Variants in PDE4D observed in about 807,000 individuals in gnomAD.
PDE4D encodes the protein 3',5'-cyclic-AMP phosphodiesterase 4D.
A neutral mutation model predicts 87.4 loss-of-function variants in PDE4D; 24 were observed. The observed-to-expected ratio is 0.27, with a 90% confidence interval of 0.20 to 0.39. The LOEUF is 0.39. Ranked by LOEUF, PDE4D falls within the 10% of genes least tolerant of loss-of-function variation. PDE4D has a pLI of 1.00. For synonymous variants in PDE4D, 384 were observed against 383.2 expected (o/e 1.00, Z -0.02); for missense variants, 714 against 1,041.0 (o/e 0.69, Z 4.32).
chr5:59,703,315 A>G (rs1752884085), intron 1 of PDE4D, among the ~76,000 whole-genome samples: 1 of 152,206 alleles, frequency 6.6e-6, no homozygotes, highest in Non-Finnish European at 1.5e-5. Context: ...AGGTACAACT[A>G]TCAATAAAAG....
intron 1 of PDE4D, among the ~76,000 whole-genome samples, chr5:59,613,459 T>C (rs554409744): frequency 5.3e-5 from 8 of 152,198 alleles, no homozygotes; most frequent in African/African-American, 1.9e-4. Context: ...CATATAGACT[T>C]TGAAGTCTTG....
chr5:59,157,035 T>C (rs1180750476), intron 5 of PDE4D: 2 of 266,682 alleles, frequency 7.5e-6, no homozygotes, highest in Non-Finnish European at 1.4e-5. Context: ...AAAGGCAAAA[T>C]AAAGCCACAT....
intron 1 of PDE4D, among the ~76,000 whole-genome samples, chr5:59,392,435 A>G (rs549208261): frequency 2.0e-5 from 3 of 151,366 alleles, no homozygotes; most frequent in African/African-American, 4.9e-5. Context: ...CAGATGGCCT[A>G]TTGTGGAACG....
intron 1 of PDE4D, among the ~76,000 whole-genome samples, chr5:60,218,513 G>T (rs1221264808): frequency 6.6e-6 from 1 of 151,294 alleles, no homozygotes; most frequent in East Asian, 1.9e-4. Flanking sequence ...CTCACTTAAG[G>T]AAAAAAAAGA....
At chr5:60,272,947 G>A (rs921326147) in intron 1 of PDE4D, among the ~76,000 whole-genome samples, 5 of 152,092 alleles carry the variant, frequency 3.3e-5, no homozygotes, top group South Asian at 4.2e-4. Flanking sequence ...ACAGTTATAC[G>A]ACTACCTCAA....
At chr5:59,033,732 T>C (rs768594104) in intron 6 of PDE4D, among the ~76,000 whole-genome samples, 2 of 152,140 alleles carry the variant, frequency 1.3e-5, no homozygotes, top group African/African-American at 2.4e-5. Context: ...TCATGGGCAA[T>C]CCTTATGTTT....
intron 1 of PDE4D, among the ~76,000 whole-genome samples, chr5:60,341,135 T>TC (rs1758282237): frequency 6.6e-6 from 1 of 152,106 alleles, no homozygotes; most frequent in Admixed American, 6.5e-5. Context: ...TGTTTGGTTT[T>TC]TTTTTCTTCT....
chr5:60,441,963 G>T (rs1416142776), intron 1 of PDE4D, among the ~76,000 whole-genome samples: 1 of 152,192 alleles, frequency 6.6e-6, no homozygotes, highest in African/African-American at 2.4e-5. Context: ...AGGATGTGGA[G>T]AAATAGGAAT....
chr5:59,640,151 T>A lies in PDE4D; in HGVS notation c.455+253017A>T, dbSNP rs552673532. Among the ~76,000 whole-genome samples, 3 of 152,216 alleles carry A rather than the reference T, an allele frequency of 2.0e-5. No homozygotes were observed. In the South Asian group the frequency reaches 6.2e-4, roughly 32 times the overall value. ...AGTGTCTATTGTTTTTTGAAAAAGATTTACACAGGCATAAGATATTTGATT... is the reference window on the plus strand; with the variant it reads ...AGTGTCTATTGTTTTTTGAAAAAGAATTACACAGGCATAAGATATTTGATT... On this transcript the variant is annotated intron_variant, in intron 1 of 14. Coordinates refer to ENST00000340635, the MANE Select transcript of PDE4D (RefSeq NM_001104631.2).
intron 1 of PDE4D, among the ~76,000 whole-genome samples, chr5:59,516,574 T>C (rs1425966917): frequency 6.6e-6 from 1 of 152,218 alleles, no homozygotes; most frequent in Non-Finnish European, 1.5e-5. Context: ...AAAGTATTTT[T>C]TTAAGAATCA....
chr5:59,532,375 G>A (rs7710053), intron 1 of PDE4D, among the ~76,000 whole-genome samples: 2 of 152,024 alleles, frequency 1.3e-5, no homozygotes, highest in African/African-American at 2.4e-5. Flanking sequence ...TGACCTCAGG[G>A]GATCTGCCTG....
At chr5:59,870,163 T>G (rs1407750873) in intron 1 of PDE4D, among the ~76,000 whole-genome samples, 1 of 152,234 alleles carries the variant, frequency 6.6e-6, no homozygotes, top group Non-Finnish European at 1.5e-5. Flanking sequence ...ACATTTCTTC[T>G]TTTGCATTAA....
chr5:59,449,579 G>A (rs996749439), intron 1 of PDE4D, among the ~76,000 whole-genome samples: 7 of 152,070 alleles, frequency 4.6e-5, no homozygotes, highest in African/African-American at 1.7e-4. Context: ...TTTACTCATA[G>A]CATTCATGGC....
At chr5:59,879,381 T>C (rs1461021178) in intron 1 of PDE4D, among the ~76,000 whole-genome samples, 2 of 152,218 alleles carry the variant, frequency 1.3e-5, no homozygotes, top group African/African-American at 2.4e-5. Flanking sequence ...TATATTGAAC[T>C]ACTCTCTTAG....
intron 6 of PDE4D, among the ~76,000 whole-genome samples, chr5:59,025,783 T>C (rs891469556): frequency 1.3e-5 from 2 of 152,232 alleles, no homozygotes; most frequent in African/African-American, 4.8e-5. Context: ...CTGCACTTAC[T>C]CCAATATGGC....
chr5:59,651,288 T>C (rs201053553), intron 1 of PDE4D, among the ~76,000 whole-genome samples: 1 of 145,992 alleles, frequency 6.8e-6, no homozygotes, highest in African/African-American at 2.6e-5. Context: ...ATAATAATAA[T>C]AATAATAATA....
At chr5:59,328,366 A>G (rs904108751) in intron 1 of PDE4D, among the ~76,000 whole-genome samples, 3 of 152,188 alleles carry the variant, frequency 2.0e-5, no homozygotes, top group African/African-American at 7.2e-5. Context: ...GGCACAATGT[A>G]GGTATTATAT....
intron 5 of PDE4D, among the ~76,000 whole-genome samples, chr5:59,093,913 T>C (rs1025014326): frequency 2.6e-5 from 4 of 151,948 alleles, no homozygotes; most frequent in African/African-American, 9.7e-5. Flanking sequence ...CATAAGAACA[T>C]ATACCATTAA....
At chr5:60,400,438 C>A (rs564621266) in intron 1 of PDE4D, among the ~76,000 whole-genome samples, 9 of 135,748 alleles carry the variant, frequency 6.6e-5, no homozygotes, top group Admixed American at 3.3e-4. Context: ...AGGAGAATGG[C>A]GTGAACCCGG....
Sources: allele counts gnomAD v4.1 joint callset (sites outside exome capture counted in the v4.1 genomes callset), GRCh38; gene constraint gnomAD v4.1.1; transcripts MANE v1.5; gene names NCBI Gene and HGNC (gene_info 2026-07-23, HGNC 2026-07-21).